TMPRSS5: variants seen among roughly 807,000 people sequenced by gnomAD.
TMPRSS5 encodes transmembrane serine protease 5.
Under a neutral mutation model 59.7 loss-of-function variants are expected in TMPRSS5, and 45 were observed. That is an observed-to-expected ratio of 0.75 (90% CI 0.59 to 0.97). The LOEUF (loss-of-function observed/expected upper bound fraction) is 0.97, where lower values mean the gene tolerates loss of function less well. Among genes scored for constraint, TMPRSS5 ranks in the 50% least tolerant of loss-of-function variants. The pLI, the probability that TMPRSS5 is intolerant of heterozygous loss-of-function variation, is 0.00. For missense variants in TMPRSS5, 585 were observed against 596.7 expected, an observed-to-expected ratio of 0.98 and a Z score of 0.20; for synonymous variants, 225 against 232.0, an observed-to-expected ratio of 0.97 and a Z score of 0.27.
chr11:113,702,203 A>G (rs141213947), intron 1 of TMPRSS5, among the ~76,000 whole-genome samples: 180 of 152,208 alleles, frequency 1.2e-3, no homozygotes, highest in African/African-American at 4.2e-3. Flanking sequence ...TGGGCATTTG[A>G]GTTGGTTCCA....
chr11:113,699,561 T>TC, intron 3 of TMPRSS5, 34 bp downstream of exon 3: 1 of 1,528,210 alleles, frequency 6.5e-7, no homozygotes, highest in South Asian at 1.2e-5. Context: ...CCTTCCAACC[T>TC]CCCCCACACC....
At chr11:113,694,244 C>CT in intron 8 of TMPRSS5, 1 of 202,252 alleles carries the variant, frequency 4.9e-6, no homozygotes, top group Non-Finnish European at 8.4e-6. Context: ...GACTCTGTCT[C>CT]AAAAAAAAAA....
intron 2 of TMPRSS5, 94 bp from the exon 3 acceptor site, chr11:113,699,787 A>G: frequency 1.4e-6 from 2 of 1,428,550 alleles, no homozygotes; most frequent in East Asian, 5.0e-5. Flanking sequence ...AGGCACCCAC[A>G]GAGCTCCAAC....
intron 2 of TMPRSS5, 114 bp from the exon 3 acceptor site, chr11:113,699,807 C>T (rs988318575): frequency 1.4e-6 from 2 of 1,388,688 alleles, no homozygotes; most frequent in Non-Finnish European, 2.0e-6. Flanking sequence ...CAGGACACCT[C>T]CTCCTGCCCC....
At chr11:113,694,358 T>C in intron 8 of TMPRSS5, 120 bp downstream of exon 8, 7 of 1,022,490 alleles carry the variant, frequency 6.8e-6, no homozygotes, top group South Asian at 1.7e-5. Context: ...ACACCAGTCT[T>C]ACCCTTTTGG....
intron 3 of TMPRSS5, among the ~76,000 whole-genome samples, 184 bp from the exon 4 acceptor site, chr11:113,699,211 GTC>G (rs1221479693): frequency 2.2e-4 from 14 of 63,002 alleles, no homozygotes; most frequent in Admixed American, 5.5e-4. Flanking sequence ...TTGTCTGTCT[GTC>G]TCTCTCTCTC....
chr11:113,688,263 G>T lies in TMPRSS5; in HGVS notation c.1371C>A (p.Leu457=). 1 of 1,581,562 alleles carries T rather than the reference G, an allele frequency of 6.3e-7. No homozygotes were observed. Among genetic ancestry groups the T allele is most frequent in the Non-Finnish European group, 8.6e-7 (1 of 1,163,552 alleles). ...WIHDTAQDSL[L] ...AGACTGGAGGAAACAGCAGGACTCA[G>T]AGGAGGGAGTCCTAGACCAAAAGGG... Residue 457 remains leucine, a synonymous_variant, in exon 13 of 13, where the codon CTC becomes CTA. Coordinates refer to ENST00000299882, the MANE Select transcript of TMPRSS5 (RefSeq NM_030770.4).
chr11:113,701,702 T>C (rs1953138582), intron 1 of TMPRSS5, among the ~76,000 whole-genome samples: 1 of 152,172 alleles, frequency 6.6e-6, no homozygotes, highest in Admixed American at 6.5e-5. Flanking sequence ...AAATCACTGA[T>C]CTGTTTCTCT....
intron 1 of TMPRSS5, among the ~76,000 whole-genome samples, chr11:113,702,108 G>A (rs1257353070): frequency 6.6e-6 from 1 of 152,172 alleles, no homozygotes; most frequent in African/African-American, 2.4e-5. Context: ...TGTCCCTGCA[G>A]AGGACATTAT....
At chr11:113,688,568 T>G (rs1055373106) in intron 12 of TMPRSS5, among the ~76,000 whole-genome samples, 3 of 151,994 alleles carry the variant, frequency 2.0e-5, no homozygotes, top group Non-Finnish European at 2.9e-5. Flanking sequence ...GTAAATAATG[T>G]TTTTGTTTTG....
chr11:113,690,586 T>C (rs963435102), intron 10 of TMPRSS5, among the ~76,000 whole-genome samples: 4 of 151,844 alleles, frequency 2.6e-5, no homozygotes, highest in Admixed American at 6.6e-5. Flanking sequence ...ATACACCAAA[T>C]GTGAGACCAT....
Position 113,694,620 on chromosome 11 carries a change from C to G in TMPRSS5, c.643G>C (p.Ala215Pro), listed in dbSNP as rs1489515620. ...GACTGCCCACCAACTATCCGGGAAG[C>G]CAGGGGCCTCGCTCCACACTCTGCC... ...RCSECGARPL[A>P]SRIVGGQSVA... Residue 215 changes from alanine to proline, a missense_variant, in exon 8 of 13, where the codon GCT becomes CCT. By Grantham distance (27) the Ala-to-Pro change is conservative. Coordinates refer to ENST00000299882, the MANE Select transcript of TMPRSS5 (RefSeq NM_030770.4). 6.5e-7 allele frequency: 1 copy of G among 1,548,504 alleles called. No individual in the cohort carries two copies. The highest frequency in any genetic ancestry group is 8.7e-7 in the Non-Finnish European group (1 of 1,146,404).
At chr11:113,695,105 T>C (rs1003283305) in intron 7 of TMPRSS5, among the ~76,000 whole-genome samples, 1 of 152,154 alleles carries the variant, frequency 6.6e-6, no homozygotes, top group Admixed American at 6.5e-5. Context: ...TCTGGGGCTT[T>C]CCAGAAGAAA....
intron 5 of TMPRSS5, 64 bp from the exon 6 acceptor site, chr11:113,697,035 C>A (rs1952947714): frequency 3.8e-6 from 5 of 1,305,408 alleles, no homozygotes; most frequent in South Asian, 3.8e-5. Flanking sequence ...AGATATAATA[C>A]TAGTATAGTG....
chr11:113,699,262 T>TCCCC (rs370060093), intron 3 of TMPRSS5, among the ~76,000 whole-genome samples: 1 of 93,264 alleles, frequency 1.1e-5, no homozygotes, highest in Admixed American at 1.2e-4. Flanking sequence ...TCTCTCTCTC[T>TCCCC]CTCTCTCTCC....
At chr11:113,699,052 G>A in intron 3 of TMPRSS5, 25 bp from the exon 4 acceptor site, 1 of 1,606,248 alleles carries the variant, frequency 6.2e-7, no homozygotes, top group Non-Finnish European at 8.5e-7. Flanking sequence ...AAAGAGAAAG[G>A]GTCTGATTTC....
At position 113,693,073 on chromosome 11, in the gene TMPRSS5, G is replaced by A; in HGVS notation, c.962C>T (p.Ser321Leu). ...CCACCCTCAAGCCAGTGCCGCACCT[G>A]AGAAGTTGAGAGCGGTCTGGAGCCT... ...LLRLQTALNFSDTVGAVCLPA... is the reference protein window; with the variant it reads ...LLRLQTALNFLDTVGAVCLPA... The change falls in exon 9 of 13, where the codon TCA (serine) becomes TTA (leucine). Residue 321 changes from serine (S) to leucine (L), a missense_variant and splice_region_variant. Ser to Leu is a moderately radical substitution (Grantham distance 145). Transcript: ENST00000299882. 1 of 1,565,372 alleles carries A rather than the reference G, an allele frequency of 6.4e-7. No homozygotes were observed. Among genetic ancestry groups the A allele is most frequent in the Non-Finnish European group, 8.7e-7 (1 of 1,154,446 alleles).
At position 113,698,962 on chromosome 11, in the gene TMPRSS5, A is replaced by G. The variant is rs376453610; in HGVS notation, c.271T>C (p.Leu91=). 5 of 1,604,514 alleles carry G rather than the reference A, an allele frequency of 3.1e-6. No individual in the cohort carries two copies. The highest frequency in any genetic ancestry group is 4.3e-6 in the Non-Finnish European group (5 of 1,175,716). Reference sequence around the variant, plus strand: ...TCAGCGCTGGCCTCTGAGCAGCTCAAAGTTATCTCCTCATCCTGCAAGGTC... The same window carrying G: ...TCAGCGCTGGCCTCTGAGCAGCTCAGAGTTATCTCCTCATCCTGCAAGGTC... The part of the protein sequence containing the change: ...SGTLQDEEIT[L]SCSEASAEEA... Residue 91 remains leucine (L), a synonymous_variant, in exon 4 of 13, where the codon TTG becomes CTG. Coordinates refer to ENST00000299882, the MANE Select transcript of TMPRSS5 (RefSeq NM_030770.4).
chr11:113,699,127 C>A (rs1953016747), intron 3 of TMPRSS5, 100 bp from the exon 4 acceptor site: 3 of 1,352,014 alleles, frequency 2.2e-6, no homozygotes, highest in Admixed American at 2.1e-5. Context: ...GCTCCCCAAC[C>A]AACCTGCTGA....
Sources: allele counts gnomAD v4.1 joint callset (sites outside exome capture counted in the v4.1 genomes callset), GRCh38; gene constraint gnomAD v4.1.1; transcripts MANE v1.5; gene names NCBI Gene and HGNC (gene_info 2026-07-23, HGNC 2026-07-21).